Variants in CWF19L2 observed in about 807,000 individuals in gnomAD.
CWF19L2 encodes CWF19 like cell cycle control factor 2, also known as CWF19-like protein 2.
CWF19L2 carries 98 observed loss-of-function variants against 111.7 expected under a neutral mutation model. That is an observed-to-expected ratio of 0.88 (90% CI 0.75 to 1.04). CWF19L2 has a LOEUF of 1.04. Ranked by LOEUF, CWF19L2 falls within the 50% of genes least tolerant of loss-of-function variation. The pLI, the probability that CWF19L2 is intolerant of heterozygous loss-of-function variation, is 0.00. For missense variants in CWF19L2, 1,101 were observed against 1,051.4 expected, an observed-to-expected ratio of 1.05 and a Z score of -0.65; for synonymous variants, 351 against 342.9, an observed-to-expected ratio of 1.02 and a Z score of -0.26.
chr11:107,404,850 A>G lies in CWF19L2; in HGVS notation c.1617+11359T>C, dbSNP rs142218264. On this transcript the variant is annotated intron_variant, in intron 10 of 17. Coordinates refer to ENST00000282251, the MANE Select transcript of CWF19L2 (RefSeq NM_152434.3). ...ACTTTCCCCTCTACTTTCCTCTTCT[A>G]CTCACTTCTCTACTTTCTGTTCCTT... Among the ~76,000 whole-genome samples, 16 of 152,282 alleles carry G rather than the reference A, an allele frequency of 1.1e-4. No homozygotes were observed. In the South Asian group the frequency reaches 2.9e-3, roughly 28 times the overall value.
intron 1 of CWF19L2, among the ~76,000 whole-genome samples, chr11:107,456,402 T>C (rs990809879): frequency 2.0e-5 from 3 of 152,032 alleles, no homozygotes; most frequent in African/African-American, 7.3e-5. Flanking sequence ...TTACGAAACT[T>C]ACTCCCTCCA....
At chr11:107,351,111 G>C (rs561910182) in intron 13 of CWF19L2, among the ~76,000 whole-genome samples, 4 of 108,698 alleles carry the variant, frequency 3.7e-5, no homozygotes. Flanking sequence ...ACTGTATAGA[G>C]AAAGGGCAAA....
chr11:107,410,942 C>T (rs1256165731), intron 10 of CWF19L2, among the ~76,000 whole-genome samples: 3 of 152,066 alleles, frequency 2.0e-5, no homozygotes, highest in African/African-American at 7.2e-5. Context: ...TCTGGTGGGA[C>T]ATAGCAAACC....
chr11:107,452,033 C>T (rs1321931206), intron 3 of CWF19L2, among the ~76,000 whole-genome samples: 1 of 152,120 alleles, frequency 6.6e-6, no homozygotes, highest in African/African-American at 2.4e-5. Context: ...CAATCATGTC[C>T]ACTCTCACCA....
intron 10 of CWF19L2, among the ~76,000 whole-genome samples, chr11:107,399,884 G>A (rs1860975961): frequency 6.6e-6 from 1 of 152,048 alleles, no homozygotes; most frequent in African/African-American, 2.4e-5. Context: ...GACCACAGTG[G>A]AATAAAACTG....
chr11:107,429,563 T>A (rs993947495), intron 7 of CWF19L2, 112 bp from the exon 8 acceptor site: 2 of 752,834 alleles, frequency 2.7e-6, no homozygotes, highest in Non-Finnish European at 2.1e-6. Flanking sequence ...AAAAGCCCAC[T>A]AACGGGGTGA....
intron 10 of CWF19L2, among the ~76,000 whole-genome samples, chr11:107,397,934 GT>G (rs1860947921): frequency 6.6e-6 from 1 of 152,164 alleles, no homozygotes; most frequent in Non-Finnish European, 1.5e-5. Context: ...CTGCAGTCGG[GT>G]TCACAGGAAG....
chr11:107,390,414 C>T (rs890322585), intron 11 of CWF19L2, among the ~76,000 whole-genome samples: 5 of 152,138 alleles, frequency 3.3e-5, no homozygotes, highest in Non-Finnish European at 7.4e-5. Flanking sequence ...CCTCTTTACT[C>T]TCCTCTTCCC....
At position 107,357,357 on chromosome 11, in the gene CWF19L2, G is replaced by C. The variant is rs991428667; in HGVS notation, c.1873-3621C>G. Among the ~76,000 whole-genome samples, 7 of 152,190 alleles carry C rather than the reference G, an allele frequency of 4.6e-5. No homozygotes were observed. The South Asian group carries it at 1.5e-3, about 32-fold the overall frequency. On this transcript the variant is annotated intron_variant, in intron 12 of 17. Coordinates refer to ENST00000282251, the MANE Select transcript of CWF19L2 (RefSeq NM_152434.3). ...TTAACAGTGGGAACGCAGATATCTA[G>C]GTAGGTATTTATCTTATCCAAAATA... is the stretch of plus-strand genomic sequence containing the variant.
chr11:107,457,574 A>G (rs1447860432), intron 1 of CWF19L2, 138 bp downstream of exon 1: 11 of 614,550 alleles, frequency 1.8e-5, no homozygotes, highest in Non-Finnish European at 2.9e-5. Flanking sequence ...GTTTACCGGC[A>G]TTGCAAAGGG....
intron 10 of CWF19L2, among the ~76,000 whole-genome samples, chr11:107,403,207 CT>C (rs796503020): frequency 9.9e-5 from 15 of 151,250 alleles, no homozygotes; most frequent in African/African-American, 3.4e-4. Flanking sequence ...CACTAAAGAA[CT>C]TACTCATGTA....
chr11:107,330,530 A>G (rs973150513), intron 16 of CWF19L2, among the ~76,000 whole-genome samples: 1 of 151,844 alleles, frequency 6.6e-6, no homozygotes, highest in African/African-American at 2.4e-5. Context: ...CACTTAGTTT[A>G]CCAGCCTTAT....
rs1591216369 is a variant in CWF19L2 at position 107,456,451 on chromosome 11, T to C, written c.106-675A>G. ...ATACCAAAGAGAAAAGAATGAATAA[T>C]ATATATATACCCACACACACACATT... is the stretch of plus-strand genomic sequence containing the variant. On this transcript the variant is annotated intron_variant, in intron 1 of 17. Coordinates refer to ENST00000282251, the MANE Select transcript of CWF19L2 (RefSeq NM_152434.3). Among the ~76,000 whole-genome samples the C allele has an allele frequency of 2.0e-5, 3 of 151,964 alleles. 1 individual carries two copies. Among genetic ancestry groups the C allele is most frequent in the South Asian group, 4.1e-4 (2 of 4,828 alleles).
At chr11:107,362,483 G>C (rs1041162321) in intron 12 of CWF19L2, among the ~76,000 whole-genome samples, 12 of 152,058 alleles carry the variant, frequency 7.9e-5, no homozygotes, top group Admixed American at 5.9e-4. Context: ...ATCTGAATAC[G>C]GGCAGACTGC....
At chr11:107,346,925 A>G (rs937604791) in intron 14 of CWF19L2, among the ~76,000 whole-genome samples, 38 of 152,190 alleles carry the variant, frequency 2.5e-4, no homozygotes, top group African/African-American at 8.9e-4. Flanking sequence ...AGGTACTAAC[A>G]TTGGCTATTT....
chr11:107,419,744 T>C (rs1246048375), intron 8 of CWF19L2, among the ~76,000 whole-genome samples: 1 of 151,912 alleles, frequency 6.6e-6, no homozygotes, highest in Non-Finnish European at 1.5e-5. Flanking sequence ...ATATGAAAAA[T>C]GAAACAGAGA....
chr11:107,395,940 G>T (rs1860915059), intron 10 of CWF19L2, among the ~76,000 whole-genome samples: 1 of 51,176 alleles, frequency 2.0e-5, no homozygotes, highest in African/African-American at 2.2e-4. Flanking sequence ...CTTGATAAAT[G>T]TTATTACAAG....
Position 107,442,958 on chromosome 11 carries a change from T to C in CWF19L2, c.431A>G (p.Asp144Gly), listed in dbSNP as rs1444408412. 9.0e-6 allele frequency: 14 copies of C among 1,550,474 alleles called. No homozygotes were observed. The highest frequency in any genetic ancestry group is 1.4e-5 in the African/African-American group (1 of 73,012). ...WKVKDEKSGK[D>G]DTQIIKRDEW... ...GCTTACCTTGATAATTTGGGTGTCA[T>C]CTTTTCCTGACTTTTCATCTTTCAC... is the stretch of plus-strand genomic sequence containing the variant. Residue 144 changes from aspartate to glycine, a missense_variant, in exon 4 of 18, where the codon GAT (aspartate) becomes GGT (glycine). Transcript: ENST00000282251.
intron 12 of CWF19L2, among the ~76,000 whole-genome samples, chr11:107,367,850 T>A (rs1860454578): frequency 7.3e-6 from 1 of 137,168 alleles, no homozygotes; most frequent in South Asian, 2.5e-4. Context: ...GAAATGCTAC[T>A]GATTTTTGTA....
Sources: allele counts gnomAD v4.1 joint callset (sites outside exome capture counted in the v4.1 genomes callset), GRCh38; gene constraint gnomAD v4.1.1; transcripts MANE v1.5; gene names NCBI Gene and HGNC (gene_info 2026-07-23, HGNC 2026-07-21).